Variants in LMX1A observed in about 807,000 individuals in gnomAD.
The protein encoded by LMX1A is LIM homeobox transcription factor 1-alpha.
In LMX1A, 15 loss-of-function variants were observed where a neutral mutation model predicts 49.1. That is an observed-to-expected ratio of 0.31 (90% CI 0.20 to 0.47). The LOEUF (loss-of-function observed/expected upper bound fraction) is 0.47, where lower values mean the gene tolerates loss of function less well. Ranked by LOEUF, LMX1A falls within the 20% of genes least tolerant of loss-of-function variation. The probability of loss-of-function intolerance (pLI) is 1.00; values close to 1 mark genes in which losing one functional copy is unlikely to be tolerated. For missense variants in LMX1A, 372 were observed against 475.8 expected (o/e 0.78, Z 2.03); for synonymous variants, 167 against 185.7 (o/e 0.90, Z 0.82).
intron 3 of LMX1A, among the ~76,000 whole-genome samples, chr1:165,319,220 C>A (rs544314154): frequency 4.6e-5 from 7 of 152,076 alleles, no homozygotes; most frequent in Non-Finnish European, 1.0e-4. Context: ...GAAGTTCTGT[C>A]TTAAAAAATA....
chr1:165,250,968 C>T (rs545936943), intron 3 of LMX1A, among the ~76,000 whole-genome samples: 2 of 152,012 alleles, frequency 1.3e-5, no homozygotes, highest in South Asian at 2.1e-4. Flanking sequence ...AAGGTGCACT[C>T]CACCAAGTTA....
chr1:165,318,151 C>CT (rs1246375184), intron 3 of LMX1A, among the ~76,000 whole-genome samples: 1 of 152,164 alleles, frequency 6.6e-6, no homozygotes, highest in Non-Finnish European at 1.5e-5. Context: ...TCCATGCTAC[C>CT]TTTTTTGGTA....
intron 5 of LMX1A, 54 bp from the exon 6 acceptor site, chr1:165,210,830 T>C (rs1376415288): frequency 7.4e-7 from 1 of 1,349,718 alleles, no homozygotes; most frequent in Non-Finnish European, 1.1e-6. Flanking sequence ...GGGTAGGAGG[T>C]AGAACATCTC....
At chr1:165,289,616 C>G (rs1426061197) in intron 3 of LMX1A, among the ~76,000 whole-genome samples, 1 of 152,244 alleles carries the variant, frequency 6.6e-6, no homozygotes, top group African/African-American at 2.4e-5. Context: ...TGCACACATT[C>G]ACACATCACT....
At chr1:165,262,810 G>A (rs933322263) in intron 3 of LMX1A, among the ~76,000 whole-genome samples, 2 of 151,238 alleles carry the variant, frequency 1.3e-5, no homozygotes, top group African/African-American at 4.9e-5. Flanking sequence ...TTTATCTGAT[G>A]GCCTTTGTAG....
chr1:165,215,317 A>G (rs1234812578), intron 4 of LMX1A, among the ~76,000 whole-genome samples: 2 of 152,202 alleles, frequency 1.3e-5, no homozygotes, highest in Non-Finnish European at 2.9e-5. Context: ...CTTGTCTCCA[A>G]AACAAAATAA....
At chr1:165,217,391 G>A (rs1015219504) in intron 4 of LMX1A, among the ~76,000 whole-genome samples, 1 of 152,200 alleles carries the variant, frequency 6.6e-6, no homozygotes, top group Non-Finnish European at 1.5e-5. Flanking sequence ...AACAAAGAGA[G>A]GGGAGGAGAA....
intron 3 of LMX1A, among the ~76,000 whole-genome samples, chr1:165,279,525 G>T (rs1290777011): frequency 6.6e-6 from 1 of 152,192 alleles, no homozygotes; most frequent in Non-Finnish European, 1.5e-5. Context: ...TGAGAGAGAA[G>T]GCTGGTGCTG....
intron 4 of LMX1A, among the ~76,000 whole-genome samples, chr1:165,217,548 C>T (rs770462586): frequency 1.3e-4 from 20 of 152,152 alleles, no homozygotes; most frequent in African/African-American, 3.9e-4. Context: ...GGGAAAGGGA[C>T]GAGGGATTGG....
chr1:165,300,841 A>G (rs1162848346), intron 3 of LMX1A, among the ~76,000 whole-genome samples: 2 of 152,100 alleles, frequency 1.3e-5, no homozygotes, highest in East Asian at 1.9e-4. Flanking sequence ...GCTTCTCCTC[A>G]TTCATGATTC....
chr1:165,339,629 C>T (rs1656009289), intron 3 of LMX1A, among the ~76,000 whole-genome samples: 1 of 152,178 alleles, frequency 6.6e-6, no homozygotes, highest in Non-Finnish European at 1.5e-5. Context: ...GAAGCTCTCA[C>T]CTACTGAGAG....
intron 6 of LMX1A, among the ~76,000 whole-genome samples, chr1:165,208,936 C>T (rs1316093037): frequency 6.6e-6 from 1 of 152,220 alleles, no homozygotes; most frequent in East Asian, 1.9e-4. Context: ...CGTGAGCCAC[C>T]ACGCCCGGCC....
chr1:165,324,255 C>T (rs765890569), intron 3 of LMX1A, among the ~76,000 whole-genome samples: 24 of 152,342 alleles, frequency 1.6e-4, no homozygotes, highest in Admixed American at 1.0e-3. Flanking sequence ...TAGGGCTGAA[C>T]ATCCGAGCTG....
chr1:165,287,961 T>G lies in LMX1A; in HGVS notation c.264-38321A>C, dbSNP rs59392868. Among the ~76,000 whole-genome samples, 1,296 of 152,302 alleles carry G rather than the reference T, an allele frequency of 8.5e-3. 23 individuals are homozygous for G. The highest frequency in any genetic ancestry group is 0.03 in the African/African-American group (1,238 of 41,572). On this transcript the variant is annotated intron_variant, in intron 3 of 8. Coordinates refer to ENST00000342310, the MANE Select transcript of LMX1A (RefSeq NM_177398.4). ...GGGTGCCTTGTTTGGTTGTATAGTT[T>G]CAGAGCCAGATTGCGTTATTCATTA...
intron 3 of LMX1A, among the ~76,000 whole-genome samples, chr1:165,281,184 C>T (rs1654137348): frequency 6.6e-6 from 1 of 152,086 alleles, no homozygotes; most frequent in African/African-American, 2.4e-5. Flanking sequence ...GTAGAAGGCA[C>T]TTTTAGTACC....
At position 165,299,564 on chromosome 1, in the gene LMX1A, T is replaced by A. The variant is rs184924245; in HGVS notation, c.264-49924A>T. 1.9e-3 allele frequency among the ~76,000 whole-genome samples: 288 copies of A among 152,334 alleles called. 3 individuals carry two copies. Among genetic ancestry groups the A allele is most frequent in the Non-Finnish European group, 1.4e-3 (95 of 68,032 alleles). On this transcript the variant is annotated intron_variant, in intron 3 of 8. Transcript: ENST00000342310. ...AATAACATCAGCATGAAATCTTTAA[T>A]GAATGGCTCATCCAATGCGATCTAC... is the stretch of plus-strand genomic sequence containing the variant.
intron 3 of LMX1A, among the ~76,000 whole-genome samples, chr1:165,304,550 A>G (rs981049519): frequency 6.6e-6 from 1 of 152,160 alleles, no homozygotes. Flanking sequence ...TACTCCCTCG[A>G]CCCAGATAAT....
chr1:165,300,389 C>G (rs778832043), intron 3 of LMX1A, among the ~76,000 whole-genome samples: 1 of 152,206 alleles, frequency 6.6e-6, no homozygotes, highest in Admixed American at 6.5e-5. Flanking sequence ...GTTGCTCAGA[C>G]TCACAAGAAA....
chr1:165,211,267 T>C (rs1651376693), intron 5 of LMX1A: 1 of 152,326 alleles, frequency 6.6e-6, no homozygotes, highest in African/African-American at 2.4e-5. Flanking sequence ...ATATCCATAG[T>C]GACTGCTACC....
Sources: allele counts gnomAD v4.1 joint callset (sites outside exome capture counted in the v4.1 genomes callset), GRCh38; gene constraint gnomAD v4.1.1; transcripts MANE v1.5; gene names NCBI Gene and HGNC (gene_info 2026-07-23, HGNC 2026-07-21).